SSTR3: variants seen among roughly 807,000 people sequenced by gnomAD.
SSTR3 encodes the protein somatostatin receptor 3, also known as somatostatin receptor type 3.
For synonymous variants in SSTR3, 281 were observed against 269.2 expected (o/e 1.04, Z -0.43); for missense variants, 504 against 604.7 (o/e 0.83, Z 1.75).
chr22:37,208,035 C>G (rs1028689758), intron 1 of SSTR3, among the ~76,000 whole-genome samples, 196 bp from the exon 2 acceptor site: 1 of 152,180 alleles, frequency 6.6e-6, no homozygotes, highest in Admixed American at 6.5e-5. Context: ...CGTGTTATCC[C>G]CTTTTCTCAG....
intron 1 of SSTR3, among the ~76,000 whole-genome samples, 194 bp downstream of exon 1, chr22:37,211,631 T>C (rs1018204738): frequency 6.6e-6 from 1 of 152,144 alleles, no homozygotes; most frequent in Non-Finnish European, 1.5e-5. Flanking sequence ...CCTAGAATCA[T>C]GGCACGAGAT....
chr22:37,210,006 G>A (rs932704454), intron 1 of SSTR3, among the ~76,000 whole-genome samples: 4 of 152,242 alleles, frequency 2.6e-5, no homozygotes, highest in African/African-American at 9.6e-5. Flanking sequence ...CAGAATGCTA[G>A]AATGAGTCCT....
chr22:37,205,124 G>A lies in SSTR3; in HGVS notation c.*1423C>T, dbSNP rs1006542925. On this transcript the variant is annotated 3_prime_UTR_variant, in exon 2 of 2. Transcript: ENST00000610913. ...TAGTCTCCAGGATGATAGAGCATGG[G>A]GAGGGAGCTCCCCAGTCCTCCCAAT... 3 of 152,366 alleles carry A rather than the reference G, an allele frequency of 2.0e-5. No homozygotes were observed. The highest frequency in any genetic ancestry group is 2.9e-5 in the Non-Finnish European group (2 of 68,184). 9.4% of individuals were successfully genotyped at this position (152,366 alleles called of 1,614,324 possible). A position where few individuals can be genotyped will look rare whatever the true frequency, so the allele number is the denominator to read the frequency against.
chr22:37,210,465 C>G (rs1325946552), intron 1 of SSTR3: 2 of 961,184 alleles, frequency 2.1e-6, no homozygotes, highest in Admixed American at 6.2e-5. Flanking sequence ...CTTATCTCAG[C>G]CGGTCTTCCC....
At chr22:37,207,949 CTG>C (rs1182445894) in intron 1 of SSTR3, 110 bp from the exon 2 acceptor site, 3 of 1,345,684 alleles carry the variant, frequency 2.2e-6, no homozygotes, top group African/African-American at 1.5e-5. Context: ...CTCCCATCGT[CTG>C]AGAGATTTCA....
rs1925591110 is a variant in SSTR3 at position 37,204,464 on chromosome 22, A to AT, written c.*2082dup. 6.6e-6 allele frequency: 1 copy of AT among 152,302 alleles called. No homozygotes were observed. Among genetic ancestry groups the AT allele is most frequent in the Non-Finnish European group, 1.5e-5 (1 of 68,166 alleles). 9.4% of individuals were successfully genotyped at this position (152,302 alleles called of 1,614,324 possible). On this transcript the variant is annotated 3_prime_UTR_variant, in exon 2 of 2. Transcript: ENST00000610913. ...TCCCAGGGCCGGGCCTCCAGCCTCC[A>AT]TCTCCACACAAAATGTGGTTTTGTA...
At position 37,206,470 on chromosome 22, in the gene SSTR3, G is replaced by C. The variant is rs569214078; in HGVS notation, c.*77C>G. The C allele has an allele frequency of 5.0e-5, 75 of 1,508,022 alleles. No homozygotes were observed. The Admixed American group carries it at 5.2e-4, about 11-fold the overall frequency. The allele number at this position is 1,508,022 out of a possible 1,614,324, so 93.4% of individuals were successfully genotyped here. A position where few individuals can be genotyped will look rare whatever the true frequency, so the allele number is the denominator to read the frequency against. ...CTCAACATCCCATCATGGGCCTGTGGCACCTTGGGAAGTAGGCCCTAGGCA... is the reference window on the plus strand; with the variant it reads ...CTCAACATCCCATCATGGGCCTGTGCCACCTTGGGAAGTAGGCCCTAGGCA... On this transcript the variant is annotated 3_prime_UTR_variant, in exon 2 of 2. Coordinates refer to ENST00000610913, the MANE Select transcript of SSTR3 (RefSeq NM_001051.5).
chr22:37,215,828 G>A (rs1308116260), upstream of SSTR3: 2 of 290,446 alleles, frequency 6.9e-6, no homozygotes, highest in Non-Finnish European at 1.5e-5. Flanking sequence ...CTGGGGAATG[G>A]GACAATTTTG....
upstream of SSTR3, among the ~76,000 whole-genome samples, chr22:37,212,702 G>A (rs928621778): frequency 2.0e-5 from 3 of 152,182 alleles, no homozygotes; most frequent in African/African-American, 4.8e-5. Context: ...AGAGCAGCTC[G>A]TGAGGCCACT....
At position 37,212,161 on chromosome 22, in the gene SSTR3, A is replaced by G; in HGVS notation, c.-373T>C. The G allele has an allele frequency of 1.9e-5, 19 of 985,102 alleles. No homozygotes were observed. The highest frequency in any genetic ancestry group is 2.3e-5 in the Non-Finnish European group (19 of 829,986). 61.0% of individuals were successfully genotyped at this position (985,102 alleles called of 1,614,324 possible). ...AAGAGAAGAGGGGAGCAAGGGACAC[A>G]GAAGCCAATAGAAATAGAGGGGAAA... On this transcript the variant is annotated 5_prime_UTR_variant, in exon 1 of 2. Transcript: ENST00000610913.
At position 37,212,260 on chromosome 22, in the gene SSTR3, A is replaced by T; in HGVS notation, c.-472T>A. On this transcript the variant is annotated 5_prime_UTR_variant, in exon 1 of 2. Transcript: ENST00000610913. Reference sequence around the variant, plus strand: ...GGGAGAGAGAGAGAGGGAGAGGGAGAGGAGACCGTGAGTAGGAGGAAAGGC... The same window carrying T: ...GGGAGAGAGAGAGAGGGAGAGGGAGTGGAGACCGTGAGTAGGAGGAAAGGC... 2 of 508,848 alleles carry T rather than the reference A, an allele frequency of 3.9e-6. No individual in the cohort carries two copies. The highest frequency in any genetic ancestry group is 5.1e-6 in the Non-Finnish European group (2 of 395,250). 31.5% of individuals were successfully genotyped at this position (508,848 alleles called of 1,614,324 possible).
At chr22:37,217,704 T>C in the SSTR3 span, among the ~76,000 whole-genome samples, 1 of 139,666 alleles carries the variant, frequency 7.2e-6, no homozygotes, top group Admixed American at 7.0e-5. Flanking sequence ...TGTTTGTTTG[T>C]GTTTTTTGAG....
At chr22:37,214,854 C>T (rs960555047), upstream of SSTR3, among the ~76,000 whole-genome samples, 3 of 152,302 alleles carry the variant, frequency 2.0e-5, no homozygotes, top group Admixed American at 6.5e-5. Context: ...TTCCGCCACT[C>T]GGCCCTCTTC....
At chr22:37,210,751 A>G in intron 1 of SSTR3, 1 of 985,484 alleles carries the variant, frequency 1.0e-6, no homozygotes. Flanking sequence ...CAGCCCTAAC[A>G]GTTCAGGGAG....
upstream of SSTR3, among the ~76,000 whole-genome samples, chr22:37,212,649 T>C (rs965896606): frequency 7.9e-5 from 12 of 152,214 alleles, no homozygotes; most frequent in East Asian, 1.9e-3. Flanking sequence ...GAGAGAAGAA[T>C]GTGCTCAGTG....
chr22:37,214,741 C>A (rs1300624177), upstream of SSTR3, among the ~76,000 whole-genome samples: 3 of 152,188 alleles, frequency 2.0e-5, no homozygotes, highest in South Asian at 4.1e-4. Flanking sequence ...GTCATCCCAG[C>A]TGCCTCCTTG....
At chr22:37,219,176 G>T in the SSTR3 span, among the ~76,000 whole-genome samples, 1 of 152,186 alleles carries the variant, frequency 6.6e-6, no homozygotes, top group African/African-American at 2.4e-5. Context: ...GGAGGTGGGG[G>T]TGGAAACATC....
rs757426413 is a variant in SSTR3 at position 37,207,363 on chromosome 22, A to G, written c.441T>C (p.His147=). 2.5e-6 allele frequency: 4 copies of G among 1,610,072 alleles called. No individual in the cohort carries two copies. In the African/African-American group the frequency reaches 4.0e-5, roughly 16 times the overall value. Residue 147 remains histidine (H), a synonymous_variant, in exon 2 of 2, where the codon CAT becomes CAC. Coordinates refer to ENST00000610913, the MANE Select transcript of SSTR3 (RefSeq NM_001051.5). ...TGCGCCAGCGGGCCGAGCGGGTGGG[A>G]TGTACCACGGCCAGGTAGCGGTCCA... ...MSVDRYLAVV[H]PTRSARWRTA...
intron 1 of SSTR3, chr22:37,211,073 G>A (rs1358138101): frequency 1.1e-5 from 8 of 752,952 alleles, no homozygotes; most frequent in Non-Finnish European, 1.3e-5. Flanking sequence ...TGGAGAGTGG[G>A]AAGCCAGAAT....
Sources: gnomAD v4.1 joint callset for allele counts (sites outside exome capture counted in the v4.1 genomes callset) on GRCh38, gnomAD v4.1.1 for gene constraint, MANE v1.5 for transcripts, NCBI Gene and HGNC (gene_info 2026-07-23, HGNC 2026-07-21) for gene names.